Variants in SPATA16 observed in about 807,000 individuals in gnomAD.
SPATA16 encodes the protein spermatogenesis associated 16.
Under a neutral mutation model 63.3 loss-of-function variants are expected in SPATA16, and 36 were observed. The ratio of observed to expected loss-of-function variants is 0.57; its 90% CI spans 0.44 to 0.75. The LOEUF (loss-of-function observed/expected upper bound fraction) is 0.75. SPATA16 is among the 30% of genes least tolerant of loss of function. The pLI, the probability that SPATA16 is intolerant of heterozygous loss-of-function variation, is 0.00. For synonymous variants in SPATA16, 203 were observed against 216.7 expected, an observed-to-expected ratio of 0.94 and a Z score of 0.56; for missense variants, 646 against 679.3, an observed-to-expected ratio of 0.95 and a Z score of 0.54.
Position 172,889,417 on chromosome 3 carries a change from G to T in SPATA16, c.*153C>A. On this transcript the variant is annotated 3_prime_UTR_variant, in exon 11 of 11. Coordinates refer to ENST00000351008, the MANE Select transcript of SPATA16 (RefSeq NM_031955.6). ...AGTTGAGATTAATGAAACATAGAGT[G>T]TCTTTGGTAAAGATGAACTGAGGGG... 1 of 1,046,026 alleles carries T rather than the reference G, an allele frequency of 9.6e-7. No individual in the cohort carries two copies. 64.8% of individuals were successfully genotyped at this position (1,046,026 alleles called of 1,614,324 possible). A position where few individuals can be genotyped will look rare whatever the true frequency, so the allele number is the denominator to read the frequency against.
At chr3:173,026,946 C>T (rs1560100538) in intron 3 of SPATA16, among the ~76,000 whole-genome samples, 1 of 151,614 alleles carries the variant, frequency 6.6e-6, no homozygotes, top group African/African-American at 2.4e-5. Flanking sequence ...TAGAAAGTAG[C>T]CTGTTAATTG....
At chr3:173,137,500 C>T (rs764363094) in intron 1 of SPATA16, among the ~76,000 whole-genome samples, 1 of 152,048 alleles carries the variant, frequency 6.6e-6, no homozygotes, top group Non-Finnish European at 1.5e-5. Flanking sequence ...GGGAGGAAAA[C>T]AGGAAAAGAA....
intron 1 of SPATA16, among the ~76,000 whole-genome samples, chr3:173,124,518 A>G (rs1017949503): frequency 1.3e-5 from 2 of 152,116 alleles, no homozygotes; most frequent in Non-Finnish European, 2.9e-5. Flanking sequence ...TGCTGCTGCA[A>G]TTGTCATCTT....
intron 6 of SPATA16, among the ~76,000 whole-genome samples, chr3:172,942,484 A>G (rs962646734): frequency 6.6e-6 from 1 of 151,778 alleles, no homozygotes; most frequent in African/African-American, 2.4e-5. Context: ...GTGTAATTAC[A>G]TAACAATAAC....
At chr3:173,060,919 C>T (rs112830959) in intron 2 of SPATA16, among the ~76,000 whole-genome samples, 622 of 152,262 alleles carry the variant, frequency 4.1e-3, no homozygotes, top group African/African-American at 0.013. Flanking sequence ...TATGTAGCAT[C>T]TATTCAAAGG....
chr3:173,088,073 TCTTTCTG>T (rs1181595706), intron 2 of SPATA16, among the ~76,000 whole-genome samples: 297 of 136,342 alleles, frequency 2.2e-3, no homozygotes, highest in African/African-American at 5.8e-3. Flanking sequence ...TTTCTTTCTT[TCTTTCTG>T]TCTTTTCTTT....
chr3:173,130,067 C>T (rs1738330764), intron 1 of SPATA16, among the ~76,000 whole-genome samples: 1 of 151,980 alleles, frequency 6.6e-6, no homozygotes, highest in South Asian at 2.1e-4. Context: ...GATGAACATA[C>T]AAATCCTATA....
chr3:172,904,563 G>A (rs1194832129), intron 10 of SPATA16, among the ~76,000 whole-genome samples: 1 of 152,182 alleles, frequency 6.6e-6, no homozygotes, highest in Non-Finnish European at 1.5e-5. Context: ...AGCCAACAAA[G>A]CACTTAAAAG....
At chr3:172,947,483 C>T (rs1344998009) in intron 6 of SPATA16, among the ~76,000 whole-genome samples, 1 of 152,052 alleles carries the variant, frequency 6.6e-6, no homozygotes. Context: ...CCAGAAACAC[C>T]TCTCCATGTT....
chr3:173,125,218 C>A (rs908750122), intron 1 of SPATA16, among the ~76,000 whole-genome samples: 1 of 152,110 alleles, frequency 6.6e-6, no homozygotes, highest in Non-Finnish European at 1.5e-5. Context: ...GTCAGTTAAT[C>A]CCTATCCTAC....
intron 5 of SPATA16, among the ~76,000 whole-genome samples, chr3:172,958,046 C>T (rs560006782): frequency 6.6e-6 from 1 of 152,272 alleles, no homozygotes; most frequent in South Asian, 2.1e-4. Flanking sequence ...TGAAATTCAA[C>T]AAACTATTGG....
intron 6 of SPATA16, among the ~76,000 whole-genome samples, chr3:172,941,745 A>C (rs945363292): frequency 1.9e-4 from 29 of 152,086 alleles, no homozygotes; most frequent in African/African-American, 6.5e-4. Flanking sequence ...ATTGGTAGAC[A>C]TGTGTATATA....
At chr3:173,120,783 T>C (rs1738041617) in intron 1 of SPATA16, among the ~76,000 whole-genome samples, 1 of 152,086 alleles carries the variant, frequency 6.6e-6, no homozygotes, top group African/African-American at 2.4e-5. Flanking sequence ...CCAATTCTCT[T>C]CCCAGATGTC....
chr3:173,002,829 A>G (rs1210346222), intron 4 of SPATA16, among the ~76,000 whole-genome samples: 2 of 152,234 alleles, frequency 1.3e-5, no homozygotes, highest in Admixed American at 6.5e-5. Flanking sequence ...ATTTGATAAA[A>G]TGGTGTCAAA....
At chr3:173,053,974 T>C (rs1382843120) in intron 2 of SPATA16, among the ~76,000 whole-genome samples, 4 of 152,124 alleles carry the variant, frequency 2.6e-5, no homozygotes, top group African/African-American at 9.6e-5. Flanking sequence ...TTTTGTATCA[T>C]AATAGAAGAT....
chr3:173,105,077 T>G (rs1223177189), intron 2 of SPATA16, among the ~76,000 whole-genome samples: 1 of 152,224 alleles, frequency 6.6e-6, no homozygotes, highest in Non-Finnish European at 1.5e-5. Flanking sequence ...GCTTTTAATT[T>G]CAGATGGTGG....
chr3:172,894,546 T>C (rs1731968324), intron 10 of SPATA16, among the ~76,000 whole-genome samples: 1 of 150,972 alleles, frequency 6.6e-6, no homozygotes, highest in Non-Finnish European at 1.5e-5. Flanking sequence ...CCCATAATGA[T>C]AACACTTTTC....
At chr3:173,052,269 A>G (rs1225912619) in intron 2 of SPATA16, among the ~76,000 whole-genome samples, 1 of 152,160 alleles carries the variant, frequency 6.6e-6, no homozygotes, top group Non-Finnish European at 1.5e-5. Flanking sequence ...CTCTGCTTGT[A>G]TAAGATTCAA....
intron 4 of SPATA16, among the ~76,000 whole-genome samples, chr3:173,015,313 C>T (rs1036876168): frequency 3.3e-5 from 5 of 152,202 alleles, no homozygotes; most frequent in Admixed American, 2.0e-4. Flanking sequence ...ATCTGCCCAC[C>T]TTGGCCTCCC....
Sources: allele counts gnomAD v4.1 joint callset (sites outside exome capture counted in the v4.1 genomes callset), GRCh38; gene constraint gnomAD v4.1.1; transcripts MANE v1.5; gene names NCBI Gene and HGNC (gene_info 2026-07-23, HGNC 2026-07-21).